AGMO: variants seen among roughly 807,000 people sequenced by gnomAD.
The protein encoded by AGMO is alkylglycerol monooxygenase.
AGMO carries 75 observed loss-of-function variants against 60.2 expected under a neutral mutation model. The ratio of observed to expected loss-of-function variants is 1.25; its 90% confidence interval spans 1.03 to 1.51. The LOEUF is 1.51. Ranked by LOEUF, AGMO falls within the 40% of genes most tolerant of loss-of-function variation. The probability of loss-of-function intolerance (pLI) is 0.00; values close to 1 mark genes in which losing one functional copy is unlikely to be tolerated. For synonymous variants in AGMO, 261 were observed against 177.1 expected (o/e 1.47, Z -3.76); for missense variants, 763 against 525.5 (o/e 1.45, Z -4.42).
chr7:15,185,326 C>T, the AGMO span, among the ~76,000 whole-genome samples: 1 of 152,090 alleles, frequency 6.6e-6, no homozygotes, highest in Non-Finnish European at 1.5e-5. Flanking sequence ...GTTTTACTGG[C>T]CTTTCCACTT....
At chr7:15,292,917 C>T (rs569103849) in intron 12 of AGMO, among the ~76,000 whole-genome samples, 3 of 150,582 alleles carry the variant, frequency 2.0e-5, no homozygotes, top group African/African-American at 7.3e-5. Context: ...GCCACCAAAT[C>T]CAGCTAATTT....
the AGMO span, among the ~76,000 whole-genome samples, chr7:15,128,355 C>T: frequency 6.6e-6 from 1 of 152,222 alleles, no homozygotes; most frequent in Middle Eastern, 3.4e-3. Context: ...TTCCCAAAGT[C>T]ACCAGTACAA....
intron 12 of AGMO, among the ~76,000 whole-genome samples, chr7:15,210,303 TA>T (rs1464170385): frequency 1.3e-5 from 2 of 152,180 alleles, no homozygotes; most frequent in Non-Finnish European, 2.9e-5. Context: ...AAATATAATT[TA>T]AAAACCTTAA....
At chr7:15,299,472 A>T (rs1022926778) in intron 12 of AGMO, among the ~76,000 whole-genome samples, 5 of 152,130 alleles carry the variant, frequency 3.3e-5, no homozygotes, top group Non-Finnish European at 7.4e-5. Flanking sequence ...CTAAGGACTG[A>T]TATCCATTTC....
intron 12 of AGMO, among the ~76,000 whole-genome samples, chr7:15,293,473 T>C (rs964433447): frequency 2.0e-5 from 3 of 152,148 alleles, no homozygotes; most frequent in Non-Finnish European, 2.9e-5. Context: ...GATCTCTGCA[T>C]GCGTAATCCT....
intron 12 of AGMO, among the ~76,000 whole-genome samples, chr7:15,208,256 A>G (rs1781490520): frequency 6.6e-6 from 1 of 152,176 alleles, no homozygotes; most frequent in South Asian, 2.1e-4. Context: ...GAGGGTTGCA[A>G]TAAGGTCAAA....
At chr7:15,379,948 T>G (rs952002348) in intron 10 of AGMO, among the ~76,000 whole-genome samples, 2 of 152,020 alleles carry the variant, frequency 1.3e-5, no homozygotes, top group Non-Finnish European at 2.9e-5. Context: ...AAGACTTTCT[T>G]TAATTCGACA....
chr7:15,118,052 A>G, the AGMO span, among the ~76,000 whole-genome samples: 1 of 151,964 alleles, frequency 6.6e-6, no homozygotes, highest in Non-Finnish European at 1.5e-5. Flanking sequence ...TATTGCAAAC[A>G]TAATTTCCCT....
chr7:15,325,518 GA>G (rs1269809474), intron 12 of AGMO, among the ~76,000 whole-genome samples: 2 of 152,016 alleles, frequency 1.3e-5, no homozygotes, highest in African/African-American at 4.8e-5. Context: ...GCTAACTGGT[GA>G]AGAATAAAAC....
intron 12 of AGMO, among the ~76,000 whole-genome samples, chr7:15,237,607 T>C (rs1438849348): frequency 6.6e-6 from 1 of 152,086 alleles, no homozygotes; most frequent in African/African-American, 2.4e-5. Flanking sequence ...AAAGATATCC[T>C]TCTATAATAA....
At chr7:15,352,737 G>A (rs28526248) in intron 12 of AGMO, among the ~76,000 whole-genome samples, 1 of 151,530 alleles carries the variant, frequency 6.6e-6, no homozygotes, top group South Asian at 2.1e-4. Context: ...ATATCCATGC[G>A]CCTTTTTCTC....
intron 12 of AGMO, among the ~76,000 whole-genome samples, chr7:15,317,160 T>C (rs769447457): frequency 7.9e-5 from 12 of 152,180 alleles, no homozygotes; most frequent in Non-Finnish European, 1.5e-4. Context: ...GTAAATTCTG[T>C]CATTTCACCC....
chr7:15,169,070 G>A, the AGMO span, among the ~76,000 whole-genome samples: 1 of 152,180 alleles, frequency 6.6e-6, no homozygotes, highest in African/African-American at 2.4e-5. Context: ...ATGAGCATTG[G>A]TTGATGGGGT....
rs749770752 is a variant in AGMO at position 15,301,876 on chromosome 7, G to A, written c.1263+63638C>T. ...AGAAATGGGCTCAAGAAGGGCTCAA[G>A]AAGGCAAAAGTGCCTAAGGCTCATG... is the stretch of plus-strand genomic sequence containing the variant. On this transcript the variant is annotated intron_variant, in intron 12 of 12. Coordinates refer to ENST00000342526, the MANE Select transcript of AGMO (RefSeq NM_001004320.2). Among the ~76,000 whole-genome samples, 5 of 152,182 alleles carry A rather than the reference G, an allele frequency of 3.3e-5. No individual in the cohort carries two copies. In the South Asian group the frequency reaches 1.0e-3, roughly 32 times the overall value.
chr7:15,125,188 G>T, the AGMO span, among the ~76,000 whole-genome samples: 1 of 152,186 alleles, frequency 6.6e-6, no homozygotes, highest in South Asian at 2.1e-4. Context: ...TATGCAGTTT[G>T]TTCACTTTGA....
intron 1 of AGMO, among the ~76,000 whole-genome samples, chr7:15,560,855 T>C (rs567283750): frequency 2.6e-5 from 4 of 152,320 alleles, no homozygotes; most frequent in Non-Finnish European, 4.4e-5. Flanking sequence ...TTTTGAAAGC[T>C]CCACTATTGG....
At chr7:15,476,641 G>A (rs1439011653) in intron 3 of AGMO, among the ~76,000 whole-genome samples, 2 of 151,998 alleles carry the variant, frequency 1.3e-5, no homozygotes, top group African/African-American at 4.8e-5. Context: ...CAGTCTCTAA[G>A]AGGGCAAGTG....
chr7:15,227,931 T>C (rs189833629), intron 12 of AGMO, among the ~76,000 whole-genome samples: 2 of 152,232 alleles, frequency 1.3e-5, no homozygotes, highest in East Asian at 1.9e-4. Context: ...TATTAGAGTA[T>C]TGGCTTCTCG....
intron 10 of AGMO, among the ~76,000 whole-genome samples, chr7:15,366,457 TTCA>T (rs1364781541): frequency 1.8e-4 from 28 of 152,120 alleles, no homozygotes; most frequent in African/African-American, 4.3e-4. Context: ...GCTTAAAGTG[TTCA>T]TCATCATTTA....
Sources: allele counts gnomAD v4.1 joint callset (sites outside exome capture counted in the v4.1 genomes callset), GRCh38; gene constraint gnomAD v4.1.1; transcripts MANE v1.5; gene names NCBI Gene and HGNC (gene_info 2026-07-23, HGNC 2026-07-21).